Variants in SLIT1 observed in about 807,000 individuals in gnomAD.
SLIT1 encodes slit homolog 1 protein.
Under a neutral mutation model 186.1 loss-of-function variants are expected in SLIT1, and 66 were observed. The observed-to-expected ratio is 0.35, with a 90% CI of 0.29 to 0.44. The LOEUF (loss-of-function observed/expected upper bound fraction) is 0.44. Ranked by LOEUF, SLIT1 falls within the 20% of genes least tolerant of loss-of-function variation. SLIT1 has a pLI of 1.00. For missense variants in SLIT1, 1,638 were observed against 2,037.4 expected, an observed-to-expected ratio of 0.80 and a Z score of 3.77; for synonymous variants, 761 against 833.8, an observed-to-expected ratio of 0.91 and a Z score of 1.50.
At chr10:97,173,979 G>A (rs372883133) in intron 1 of SLIT1, among the ~76,000 whole-genome samples, 7 of 152,146 alleles carry the variant, frequency 4.6e-5, no homozygotes, top group East Asian at 3.9e-4. Flanking sequence ...CTGCTCCTCC[G>A]TTCCCTTCAA....
At position 97,184,863 on chromosome 10, in the gene SLIT1, C is replaced by T. The variant is rs1850389738; in HGVS notation, c.197+615G>A. Among the ~76,000 whole-genome samples, 1 of 152,174 alleles carries T rather than the reference C, an allele frequency of 6.6e-6. No individual in the cohort carries two copies. Among genetic ancestry groups the T allele is most frequent in the Non-Finnish European group, 1.5e-5 (1 of 68,048 alleles). ...ACCCAAAGCCCTCAGGTCCCATTGT[C>T]TGCCTGTGTTGGGGATGGCTGGGTG... On this transcript the variant is annotated intron_variant, in intron 1 of 36. Coordinates refer to ENST00000266058, the MANE Select transcript of SLIT1 (RefSeq NM_003061.3). The surrounding 1 kb of genome is among the most constrained non-coding windows in gnomAD (Gnocchi z 4.4).
At chr10:97,012,128 A>ACACG (rs1369854903) in intron 30 of SLIT1, among the ~76,000 whole-genome samples, 1 of 132,896 alleles carries the variant, frequency 7.5e-6, no homozygotes, top group African/African-American at 2.9e-5. Context: ...ACACACACAC[A>ACACG]CGCACACATT....
chr10:97,150,939 C>G (rs1021563824), intron 4 of SLIT1, among the ~76,000 whole-genome samples: 1 of 152,222 alleles, frequency 6.6e-6, no homozygotes, highest in Non-Finnish European at 1.5e-5. Flanking sequence ...TGAGGGTTCA[C>G]TGTCAGGTGA....
Position 96,998,960 on chromosome 10 carries a change from G to A in SLIT1, c.*2152C>T, listed in dbSNP as rs1848274653. 1 of 152,388 alleles carries A rather than the reference G, an allele frequency of 6.6e-6. No individual in the cohort carries two copies. The highest frequency in any genetic ancestry group is 1.5e-5 in the Non-Finnish European group (1 of 68,170). The allele number at this position is 152,388 out of a possible 1,614,324, so 9.4% of individuals were successfully genotyped here. On this transcript the variant is annotated 3_prime_UTR_variant, in exon 37 of 37. Transcript: ENST00000266058. ...TCAAGCCTGGGAATTGGCTTCTCCA[G>A]GGTGGTGGGGAATGGTGGTGGCCAG...
intron 13 of SLIT1, among the ~76,000 whole-genome samples, chr10:97,052,994 T>A (rs1408471541): frequency 6.6e-6 from 1 of 152,236 alleles, no homozygotes; most frequent in Non-Finnish European, 1.5e-5. Flanking sequence ...AAGGGGCAGC[T>A]AAGTAATTTC....
intron 30 of SLIT1, among the ~76,000 whole-genome samples, chr10:97,012,967 C>A (rs182256673): frequency 1.9e-4 from 29 of 152,346 alleles, no homozygotes; most frequent in Admixed American, 9.1e-4. Context: ...AACTGCGTAA[C>A]CTTCATAAAG....
intron 4 of SLIT1, among the ~76,000 whole-genome samples, chr10:97,074,965 A>G (rs973659013): frequency 1.1e-4 from 16 of 152,222 alleles, no homozygotes; most frequent in Non-Finnish European, 1.9e-4. Context: ...GGGGATTAGC[A>G]GTGGGGGCAG....
At chr10:97,059,301 G>A (rs1265385865) in intron 11 of SLIT1, among the ~76,000 whole-genome samples, 159 bp downstream of exon 11, 1 of 152,218 alleles carries the variant, frequency 6.6e-6, no homozygotes, top group Admixed American at 6.5e-5. Flanking sequence ...CAAACCCTTT[G>A]CAGCCAAAGG....
chr10:97,053,895 T>C (rs1848813029), intron 13 of SLIT1, among the ~76,000 whole-genome samples: 1 of 152,210 alleles, frequency 6.6e-6, no homozygotes, highest in African/African-American at 2.4e-5. Flanking sequence ...AAACCTCATG[T>C]TGAAATGTAA....
Position 97,043,222 on chromosome 10 carries a change from G to C in SLIT1, c.1997+148C>G. On this transcript the variant is annotated intron_variant, in intron 19 of 36. Coordinates refer to ENST00000266058, the MANE Select transcript of SLIT1 (RefSeq NM_003061.3). The surrounding 1 kb of genome is among the most constrained non-coding windows in gnomAD (Gnocchi z 7.0). Reference sequence around the variant, plus strand: ...CCAAGAGGACCGGCTCTGAGGACCGGAGGGAGACTTCGAAATGTGGAACCC... The same window carrying C: ...CCAAGAGGACCGGCTCTGAGGACCGCAGGGAGACTTCGAAATGTGGAACCC... 1 of 1,320,914 alleles carries C rather than the reference G, an allele frequency of 7.6e-7. No individual in the cohort carries two copies. Among genetic ancestry groups the C allele is most frequent in the Non-Finnish European group, 1.1e-6 (1 of 941,804 alleles). 81.8% of individuals were successfully genotyped at this position (1,320,914 alleles called of 1,614,324 possible).
chr10:97,112,640 A>G (rs1789119528), intron 4 of SLIT1, among the ~76,000 whole-genome samples: 1 of 152,230 alleles, frequency 6.6e-6, no homozygotes, highest in Non-Finnish European at 1.5e-5. Context: ...ACAAAACCAC[A>G]TAATCTGTAA....
chr10:97,164,293 A>G lies in SLIT1; in HGVS notation c.269+526T>C, dbSNP rs754320917. ...CGTTGGGGGCAGGGCAGGGGGGGGA[A>G]CCGCCACCAGATATTTCTCTTTCTC... On this transcript the variant is annotated intron_variant, in intron 2 of 36. Transcript: ENST00000266058. Among the ~76,000 whole-genome samples, 3 of 148,020 alleles carry G rather than the reference A, an allele frequency of 2.0e-5. No homozygotes were observed. In the East Asian group the frequency reaches 6.0e-4, roughly 30 times the overall value.
rs1589408742 is a variant in SLIT1 at position 97,141,523 on chromosome 10, G to T, written c.413+16295C>A. ...AAAACAGATCCTGGTTCTGAACACTGTTCTCTGGATATGCTTGAATCAGCA... is the reference window on the plus strand; with the variant it reads ...AAAACAGATCCTGGTTCTGAACACTTTTCTCTGGATATGCTTGAATCAGCA... On this transcript the variant is annotated intron_variant, in intron 4 of 36. Coordinates refer to ENST00000266058, the MANE Select transcript of SLIT1 (RefSeq NM_003061.3). Among the ~76,000 whole-genome samples the T allele has an allele frequency of 5.3e-5, 8 of 152,282 alleles. 2 individuals carry two copies. Among genetic ancestry groups the T allele is most frequent in the Admixed American group, 5.2e-4 (8 of 15,300 alleles).
intron 4 of SLIT1, among the ~76,000 whole-genome samples, chr10:97,130,232 A>G (rs2065862): frequency 0.6 from 90,734 of 152,130 alleles, 28,053 homozygotes; most frequent in Non-Finnish European, 0.68. Flanking sequence ...ACATAGAATC[A>G]CCACATGATC....
intron 1 of SLIT1, among the ~76,000 whole-genome samples, chr10:97,183,892 C>A (rs1850374612): frequency 6.6e-6 from 1 of 152,028 alleles, no homozygotes; most frequent in African/African-American, 2.4e-5. Flanking sequence ...GGACAGATTT[C>A]TGACCCTCAG....
At chr10:97,057,490 C>T (rs983926673) in intron 11 of SLIT1, among the ~76,000 whole-genome samples, 1 of 152,232 alleles carries the variant, frequency 6.6e-6, no homozygotes, top group African/African-American at 2.4e-5. Flanking sequence ...GTAAAGTGCC[C>T]TATGGGCTAG....
chr10:97,131,519 C>T (rs1456919470), intron 4 of SLIT1, among the ~76,000 whole-genome samples: 3 of 152,170 alleles, frequency 2.0e-5, no homozygotes, highest in African/African-American at 7.2e-5. Flanking sequence ...TTCACAAGCA[C>T]GTATTGACAC....
chr10:97,053,545 T>A (rs1195197961), intron 13 of SLIT1, among the ~76,000 whole-genome samples: 1 of 152,196 alleles, frequency 6.6e-6, no homozygotes, highest in Non-Finnish European at 1.5e-5. Flanking sequence ...ATACCCCATG[T>A]AGATGTTATC....
chr10:97,097,599 A>C (rs568131500), intron 4 of SLIT1, among the ~76,000 whole-genome samples: 102 of 152,282 alleles, frequency 6.7e-4, no homozygotes, highest in African/African-American at 2.3e-3. Flanking sequence ...CCCTATGTGG[A>C]TGCTAATACA....
Sources: allele counts gnomAD v4.1 joint callset (sites outside exome capture counted in the v4.1 genomes callset), GRCh38; gene constraint gnomAD v4.1.1; non-coding constraint Gnocchi (gnomAD v3.1); transcripts MANE v1.5; gene names NCBI Gene and HGNC (gene_info 2026-07-23, HGNC 2026-07-21).